The following KDM4C variants were observed in gnomAD, a reference collection of about 807,000 sequenced individuals.
KDM4C encodes the protein lysine demethylase 4C.
Under a neutral mutation model 129.3 loss-of-function variants are expected in KDM4C, and 81 were observed. The observed-to-expected ratio is 0.63, with a 90% CI of 0.52 to 0.75. The LOEUF is 0.75. Among genes scored for constraint, KDM4C ranks in the 30% least tolerant of loss-of-function variants. The probability of loss-of-function intolerance (pLI) is 0.00; values close to 1 mark genes in which losing one functional copy is unlikely to be tolerated. For synonymous variants in KDM4C, 573 were observed against 456.1 expected (o/e 1.26, Z -3.26); for missense variants, 1,457 against 1,304.0 (o/e 1.12, Z -1.81).
chr9:7,174,517 C>T (rs765804918), intron 21 of KDM4C, 36 bp from the exon 22 acceptor site: 130 of 1,600,404 alleles, frequency 8.1e-5, no homozygotes, highest in Admixed American at 2.8e-4. Flanking sequence ...GATCAAATGC[C>T]GTGCCCTTTT....
intron 8 of KDM4C, among the ~76,000 whole-genome samples, chr9:6,932,377 A>C (rs1339058248): frequency 6.6e-6 from 1 of 152,142 alleles, no homozygotes; most frequent in East Asian, 1.9e-4. Flanking sequence ...ATGGACTTTG[A>C]GGAAGAATCT....
rs781481756 is a variant in KDM4C, at chr9:6,805,743, A to C, written c.289A>C (p.Lys97Gln). 5 of 1,613,528 alleles carry C rather than the reference A, an allele frequency of 3.1e-6. No individual in the cohort carries two copies. The highest frequency in any genetic ancestry group is 4.2e-6 in the Non-Finnish European group (5 of 1,179,900). ...YNIQKKAMTV[K>Q]EFRQLANSGK... Reference sequence around the variant, plus strand: ...CATCCAGAAAAAAGCGATGACTGTGAAGGAGTTCAGGCAGCTGGCCAACAG... The same window carrying C: ...CATCCAGAAAAAAGCGATGACTGTGCAGGAGTTCAGGCAGCTGGCCAACAG... The change falls in exon 3 of 22, where the codon AAG becomes CAG. Residue 97 changes from lysine (K) to glutamine (Q), a missense_variant. Lys to Gln is a moderately conservative substitution (Grantham distance 53, BLOSUM62 1). Coordinates refer to ENST00000381309, the MANE Select transcript of KDM4C (RefSeq NM_015061.6).
chr9:6,926,560 G>A (rs992139153), intron 8 of KDM4C, among the ~76,000 whole-genome samples: 1 of 152,136 alleles, frequency 6.6e-6, no homozygotes, highest in Non-Finnish European at 1.5e-5. Context: ...GTGAGAATCC[G>A]CTCTTTCTAG....
intron 1 of KDM4C, among the ~76,000 whole-genome samples, chr9:6,765,178 A>G (rs1337599439): frequency 1.3e-5 from 2 of 152,070 alleles, no homozygotes; most frequent in African/African-American, 4.8e-5. Flanking sequence ...TTCCTGCCAT[A>G]TCTCTTTCTA....
chr9:7,171,430 G>T (rs138116196), intron 21 of KDM4C, among the ~76,000 whole-genome samples: 1 of 152,104 alleles, frequency 6.6e-6, no homozygotes, highest in African/African-American at 2.4e-5. Flanking sequence ...GCTTCGTCTC[G>T]TTCTGTATTC....
At chr9:6,907,368 C>T (rs1441230084) in intron 8 of KDM4C, among the ~76,000 whole-genome samples, 1 of 152,052 alleles carries the variant, frequency 6.6e-6, no homozygotes, top group Non-Finnish European at 1.5e-5. Context: ...GTGAGGTTGA[C>T]ATTCATTTAT....
chr9:6,880,999 C>G (rs1006963487), intron 6 of KDM4C, among the ~76,000 whole-genome samples: 5 of 152,214 alleles, frequency 3.3e-5, no homozygotes, highest in Non-Finnish European at 7.3e-5. Flanking sequence ...CTGCCTTTAT[C>G]CAGGATTGAG....
chr9:6,866,396 G>C (rs1841985256), intron 5 of KDM4C, among the ~76,000 whole-genome samples: 1 of 152,124 alleles, frequency 6.6e-6, no homozygotes, highest in Non-Finnish European at 1.5e-5. Context: ...TGTCCTGAAT[G>C]GGGTATTTTC....
Position 6,849,570 on chromosome 9 carries a change from G to C in KDM4C, c.499G>C (p.Gly167Arg). Residue 167 changes from glycine (G) to arginine (R), a missense_variant, in exon 5 of 22, where the codon GGC (glycine) becomes CGC (arginine). Transcript: ENST00000381309. ...CTTGGATGTGGTTGAAGAAGAGTGTGGCATTTCTATTGAGGGTGTAAATAC... is the reference window on the plus strand; with the variant it reads ...CTTGGATGTGGTTGAAGAAGAGTGTCGCATTTCTATTGAGGGTGTAAATAC... ...TVLDVVEEEC[G>R]ISIEGVNTPY... The C allele has an allele frequency of 6.2e-7, 1 of 1,613,818 alleles. No homozygotes were observed.
At chr9:7,013,280 A>G (rs1003641775) in intron 13 of KDM4C, among the ~76,000 whole-genome samples, 1 of 152,150 alleles carries the variant, frequency 6.6e-6, no homozygotes, top group African/African-American at 2.4e-5. Flanking sequence ...ATTTTGTTTG[A>G]TACATTATCC....
At position 6,924,581 on chromosome 9, in the gene KDM4C, GTCTATCC is replaced by G. The variant is rs1822134508; in HGVS notation, c.921+31353_921+31359del. Among the ~76,000 whole-genome samples the G allele has an allele frequency of 3.3e-5, 5 of 152,242 alleles. No individual in the cohort carries two copies. The South Asian group carries it at 1.0e-3, about 32-fold the overall frequency. On this transcript the variant is annotated intron_variant, in intron 8 of 21. Coordinates refer to ENST00000381309, the MANE Select transcript of KDM4C (RefSeq NM_015061.6). ...GTTAGCTGGCCTGGGGCACCACTCT[GTCTATCC>G]TCTGGTTTTTCTGTACCTTGCCCAC...
At chr9:6,740,948 C>G (rs1211116499) in intron 1 of KDM4C, among the ~76,000 whole-genome samples, 4 of 151,616 alleles carry the variant, frequency 2.6e-5, no homozygotes, top group African/African-American at 9.7e-5. Context: ...CCTCAGTCTC[C>G]TGAGTAGCTG....
intron 9 of KDM4C, 93 bp from the exon 10 acceptor site, chr9:6,984,073 C>A (rs772402201): frequency 1.2e-5 from 9 of 766,342 alleles, no homozygotes; most frequent in African/African-American, 3.5e-5. Context: ...TTGTTTCCTT[C>A]TTTAAGCAAG....
intron 1 of KDM4C, chr9:6,734,922 T>TG: frequency 1.7e-6 from 1 of 574,644 alleles, no homozygotes. Context: ...GCTAAGTCTG[T>TG]GGCTGTGCAA....
intron 5 of KDM4C, among the ~76,000 whole-genome samples, chr9:6,879,456 CT>C: frequency 6.6e-6 from 1 of 152,174 alleles, no homozygotes; most frequent in East Asian, 1.9e-4. Flanking sequence ...GGCTGATAAT[CT>C]TTTGCTTATT....
intron 1 of KDM4C, chr9:6,749,121 G>A (rs944699840): frequency 2.6e-5 from 11 of 421,314 alleles, no homozygotes; most frequent in African/African-American, 8.2e-5. Flanking sequence ...CTAGGTTCAA[G>A]TAATTCTCCT....
chr9:7,164,469 G>A (rs866491129), intron 19 of KDM4C, among the ~76,000 whole-genome samples: 1 of 152,138 alleles, frequency 6.6e-6, no homozygotes, highest in African/African-American at 2.4e-5. Context: ...GGTTATGGGT[G>A]CCACCATGAT....
intron 19 of KDM4C, among the ~76,000 whole-genome samples, chr9:7,155,250 A>C (rs561274801): frequency 1.3e-4 from 20 of 152,226 alleles, no homozygotes; most frequent in African/African-American, 4.8e-4. Context: ...CCAGCTGGAG[A>C]CCTGTAAGAG....
At chr9:7,103,131 C>G (rs767618301) in intron 17 of KDM4C, among the ~76,000 whole-genome samples, 3 of 152,110 alleles carry the variant, frequency 2.0e-5, no homozygotes, top group Non-Finnish European at 2.9e-5. Flanking sequence ...ATGAAGGGTT[C>G]AGATTTGGAT....
Sources: gnomAD v4.1 joint callset for allele counts (sites outside exome capture counted in the v4.1 genomes callset) on GRCh38, gnomAD v4.1.1 for gene constraint, MANE v1.5 for transcripts, NCBI Gene and HGNC (gene_info 2026-07-23, HGNC 2026-07-21) for gene names.